The following KLRG2 variants were observed in gnomAD, a reference collection of about 807,000 sequenced individuals.
KLRG2 encodes killer cell lectin like receptor G2, also known as killer cell lectin-like receptor subfamily G member 2.
KLRG2 carries 39 observed loss-of-function variants against 35.4 expected under a neutral mutation model. That is an observed-to-expected ratio of 1.10 (90% CI 0.85 to 1.44). The LOEUF (loss-of-function observed/expected upper bound fraction) is 1.44, where lower values mean the gene tolerates loss of function less well. KLRG2 is among the 40% of genes most tolerant of loss of function. KLRG2 has a pLI of 0.00. For synonymous variants in KLRG2, 283 were observed against 265.8 expected, an observed-to-expected ratio of 1.06 and a Z score of -0.63; for missense variants, 632 against 570.9, an observed-to-expected ratio of 1.11 and a Z score of -1.09.
At chr7:139,429,380 C>CT in the KLRG2 span, among the ~76,000 whole-genome samples, 29,946 of 142,712 alleles carry the variant, frequency 0.21, 3,250 homozygotes, top group Middle Eastern at 0.29. Context: ...TTTTCTTTTT[C>CT]TTTTTCTTTT....
chr7:139,480,192 G>A lies in KLRG2; in HGVS notation c.813C>T (p.Leu271=), dbSNP rs777316477. The change falls in exon 2 of 5, where the codon CTC becomes CTT. Residue 271 remains leucine, a synonymous_variant. Coordinates refer to ENST00000340940, the MANE Select transcript of KLRG2 (RefSeq NM_198508.4). ...CAATGACAACCCCAGAGACTGCCAG[G>A]AGCACAGCCATGAACGCCAGGGCCC... ...LYWALAFMAV[L]LAVSGVVIVV... 10 of 1,613,760 alleles carry A rather than the reference G, an allele frequency of 6.2e-6. No homozygotes were observed. Among genetic ancestry groups the A allele is most frequent in the African/African-American group, 1.3e-5 (1 of 74,848 alleles).
At chr7:139,469,047 A>G (rs1796714088) in intron 3 of KLRG2, among the ~76,000 whole-genome samples, 1 of 152,240 alleles carries the variant, frequency 6.6e-6, no homozygotes, top group South Asian at 2.1e-4. Context: ...ACCTGCTGAC[A>G]TCTTGATCTC....
Position 139,480,187 on chromosome 7 carries a change from G to T in KLRG2, c.818C>A (p.Ala273Glu). 6.2e-7 allele frequency: 1 copy of T among 1,613,826 alleles called. No homozygotes were observed. The highest frequency in any genetic ancestry group is 1.1e-5 in the South Asian group (1 of 91,076). ...WALAFMAVLL[A>E]VSGVVIVVLA... is the part of the protein sequence containing the mutation. ...GACCACAATGACAACCCCAGAGACT[G>T]CCAGGAGCACAGCCATGAACGCCAG... Residue 273 changes from alanine to glutamate, a missense_variant, in exon 2 of 5, where the codon GCA becomes GAA. Physicochemically the swap from Ala to Glu is moderately radical, Grantham distance 107 (BLOSUM62 -1). Coordinates refer to ENST00000340940, the MANE Select transcript of KLRG2 (RefSeq NM_198508.4).
intron 1 of KLRG2, among the ~76,000 whole-genome samples, chr7:139,481,497 C>T (rs1194963661): frequency 6.6e-6 from 1 of 152,208 alleles, no homozygotes; most frequent in Non-Finnish European, 1.5e-5. Context: ...TGGGCTTGGC[C>T]TGCTTCTCAA....
At chr7:139,472,669 G>A (rs1255832644) in intron 3 of KLRG2, among the ~76,000 whole-genome samples, 1 of 151,910 alleles carries the variant, frequency 6.6e-6, no homozygotes, top group African/African-American at 2.4e-5. Context: ...GCCTCATAGA[G>A]CTGAGAAAGC....
At chr7:139,463,320 A>G (rs1262072906) in intron 3 of KLRG2, among the ~76,000 whole-genome samples, 1 of 152,136 alleles carries the variant, frequency 6.6e-6, no homozygotes, top group Non-Finnish European at 1.5e-5. Flanking sequence ...AGCTCCAAAA[A>G]TTAGATTCCA....
Position 139,480,213 on chromosome 7 carries a change from G to A in KLRG2, c.792C>T (p.Ala264=), listed in dbSNP as rs1020267977. Residue 264 remains alanine (A), a synonymous_variant, in exon 2 of 5, where the codon GCC becomes GCT. Coordinates refer to ENST00000340940, the MANE Select transcript of KLRG2 (RefSeq NM_198508.4). ...LPMYVKSLYW[A]LAFMAVLLAV... ...CCAGGAGCACAGCCATGAACGCCAG[G>A]GCCCAGTACAGGGACTTCACGTACA... 7 of 1,613,406 alleles carry A rather than the reference G, an allele frequency of 4.3e-6. No individual in the cohort carries two copies. Among genetic ancestry groups the A allele is most frequent in the East Asian group, 2.2e-5 (1 of 44,850 alleles).
intron 3 of KLRG2, among the ~76,000 whole-genome samples, chr7:139,469,597 A>G (rs1796723194): frequency 2.0e-5 from 3 of 151,176 alleles, no homozygotes; most frequent in African/African-American, 7.3e-5. Flanking sequence ...GGCATGCGTC[A>G]CCATGTCCCG....
chr7:139,466,096 G>A (rs536613108), intron 3 of KLRG2, among the ~76,000 whole-genome samples: 278 of 152,208 alleles, frequency 1.8e-3, no homozygotes, highest in Non-Finnish European at 3.5e-3. Flanking sequence ...AAAAATCTCA[G>A]TGTTCCATCT....
At chr7:139,433,318 T>TTTTG in the KLRG2 span, among the ~76,000 whole-genome samples, 5 of 144,900 alleles carry the variant, frequency 3.5e-5, no homozygotes, top group East Asian at 1.9e-4. Flanking sequence ...GTGGTTTTTT[T>TTTTG]TTTGTTTGTT....
At chr7:139,459,300 ATCTG>A (rs1165395463) in intron 3 of KLRG2, among the ~76,000 whole-genome samples, 1 of 152,146 alleles carries the variant, frequency 6.6e-6, no homozygotes, top group Non-Finnish European at 1.5e-5. Flanking sequence ...GCTGTGCTCA[ATCTG>A]TCTGTCTCAG....
intron 3 of KLRG2, among the ~76,000 whole-genome samples, chr7:139,477,905 C>T (rs1436539258): frequency 6.6e-6 from 1 of 151,932 alleles, no homozygotes; most frequent in Non-Finnish European, 1.5e-5. Flanking sequence ...ACTACAGGCG[C>T]CCGCCACCGC....
At chr7:139,454,031 G>C in intron 4 of KLRG2, 80 bp downstream of exon 4, 1 of 918,586 alleles carries the variant, frequency 1.1e-6, no homozygotes, top group Non-Finnish European at 1.7e-6. Flanking sequence ...CAGGCTAGGG[G>C]AGCAGCAAGG....
intron 1 of KLRG2, among the ~76,000 whole-genome samples, chr7:139,481,961 A>G (rs1183009987): frequency 6.6e-6 from 1 of 152,072 alleles, no homozygotes; most frequent in African/African-American, 2.4e-5. Context: ...AAAAAAAGAA[A>G]AAAATTGGCT....
At chr7:139,443,801 C>T in the KLRG2 span, among the ~76,000 whole-genome samples, 1 of 152,066 alleles carries the variant, frequency 6.6e-6, no homozygotes, top group Non-Finnish European at 1.5e-5. Context: ...ACCTCGTCCG[C>T]CCACCACGGC....
At chr7:139,465,112 C>G (rs543329724) in intron 3 of KLRG2, among the ~76,000 whole-genome samples, 1 of 152,208 alleles carries the variant, frequency 6.6e-6, no homozygotes, top group Non-Finnish European at 1.5e-5. Context: ...CTGCCACTCA[C>G]CAGCAAAGGC....
At chr7:139,451,857 G>C (rs183836398), downstream of KLRG2, among the ~76,000 whole-genome samples, 394 of 152,198 alleles carry the variant, frequency 2.6e-3, no homozygotes, top group African/African-American at 8.9e-3. Context: ...CATGGCAGGG[G>C]ATGGGGGCGG....
chr7:139,473,767 A>G (rs560548508), intron 3 of KLRG2, among the ~76,000 whole-genome samples: 1 of 152,294 alleles, frequency 6.6e-6, no homozygotes, highest in African/African-American at 2.4e-5. Flanking sequence ...CGAGGTCAGG[A>G]GTTCAAGACC....
At chr7:139,461,515 C>T (rs1210290011) in intron 3 of KLRG2, among the ~76,000 whole-genome samples, 2 of 152,162 alleles carry the variant, frequency 1.3e-5, no homozygotes, top group Non-Finnish European at 2.9e-5. Context: ...GTGACCTGCA[C>T]GTATACATCC....
Sources: gnomAD v4.1 joint callset for allele counts (sites outside exome capture counted in the v4.1 genomes callset) on GRCh38, gnomAD v4.1.1 for gene constraint, MANE v1.5 for transcripts, NCBI Gene and HGNC (gene_info 2026-07-23, HGNC 2026-07-21) for gene names.